SH3D19: variants seen among roughly 807,000 people sequenced by gnomAD.
The protein encoded by SH3D19 is SH3 domain-containing protein 19.
In SH3D19, 58 loss-of-function variants were observed where a neutral mutation model predicts 112.1. The ratio of observed to expected loss-of-function variants is 0.52; its 90% CI spans 0.42 to 0.64. The LOEUF is 0.64. Ranked by LOEUF, SH3D19 falls within the 30% of genes least tolerant of loss-of-function variation. The pLI, the probability that SH3D19 is intolerant of heterozygous loss-of-function variation, is 0.00. For synonymous variants in SH3D19, 391 were observed against 448.5 expected (o/e 0.87, Z 1.62); for missense variants, 1,090 against 1,263.4 (o/e 0.86, Z 2.08).
intron 13 of SH3D19, among the ~76,000 whole-genome samples, chr4:151,139,560 C>T (rs1049829661): frequency 1.3e-5 from 2 of 152,184 alleles, no homozygotes; most frequent in Non-Finnish European, 2.9e-5. Flanking sequence ...TCTCAGGGAG[C>T]TTCAAAGGCA....
chr4:151,134,324 G>A (rs1751369930), intron 15 of SH3D19, among the ~76,000 whole-genome samples: 1 of 152,176 alleles, frequency 6.6e-6, no homozygotes. Flanking sequence ...AGAATATAAA[G>A]TTGCATTGTG....
chr4:151,144,606 C>T, intron 11 of SH3D19, among the ~76,000 whole-genome samples: 1 of 152,172 alleles, frequency 6.6e-6, no homozygotes, highest in Admixed American at 6.5e-5. Flanking sequence ...GGAGAAACAC[C>T]CAGCACTTGA....
intron 1 of SH3D19, chr4:151,291,381 T>A (rs773560623): frequency 6.2e-7 from 1 of 1,614,044 alleles, no homozygotes; most frequent in Non-Finnish European, 8.5e-7. Context: ...GAGTAGGCAC[T>A]GTAGCTGAAG....
chr4:151,138,912 C>T (rs1752436826), intron 13 of SH3D19, among the ~76,000 whole-genome samples: 1 of 152,178 alleles, frequency 6.6e-6, no homozygotes, highest in Non-Finnish European at 1.5e-5. Flanking sequence ...ATTGCAACCT[C>T]TGCCTCCCAG....
chr4:151,245,114 A>G (rs1371052183), intron 1 of SH3D19, among the ~76,000 whole-genome samples: 2 of 152,126 alleles, frequency 1.3e-5, no homozygotes, highest in Middle Eastern at 3.4e-3. Context: ...ACTACACTCC[A>G]GCCTGGGCAA....
At chr4:151,318,456 G>C (rs1219489587) in intron 1 of SH3D19, among the ~76,000 whole-genome samples, 1 of 152,110 alleles carries the variant, frequency 6.6e-6, no homozygotes, top group Non-Finnish European at 1.5e-5. Context: ...ATATTTCCAA[G>C]AGATACATGA....
At chr4:151,246,236 T>C (rs561002650) in intron 1 of SH3D19, among the ~76,000 whole-genome samples, 1 of 152,342 alleles carries the variant, frequency 6.6e-6, no homozygotes, top group South Asian at 2.1e-4. Flanking sequence ...AGATGGGTAC[T>C]GACAACATTT....
Position 151,208,834 on chromosome 4 carries a change from C to T in SH3D19, c.152+17213G>A, listed in dbSNP as rs190192367. On this transcript the variant is annotated intron_variant, in intron 2 of 19. Transcript: ENST00000604030. Reference sequence around the variant, plus strand: ...CTGGGACTACAGGCGCCCACCACCACGCCCGGGTAATTTTTTGTATTTTTA... The same window carrying T: ...CTGGGACTACAGGCGCCCACCACCATGCCCGGGTAATTTTTTGTATTTTTA... Among the ~76,000 whole-genome samples the T allele has an allele frequency of 3.5e-3, 528 of 152,084 alleles. 5 individuals carry two copies. Among genetic ancestry groups the T allele is most frequent in the African/African-American group, 0.012 (491 of 41,490 alleles).
intron 4 of SH3D19, among the ~76,000 whole-genome samples, 158 bp from the exon 5 acceptor site, chr4:151,177,113 C>T (rs1760069732): frequency 6.6e-6 from 1 of 152,236 alleles, no homozygotes; most frequent in Non-Finnish European, 1.5e-5. Context: ...CTGTCTCTGA[C>T]AGTACACCCA....
chr4:151,265,137 A>G (rs1772677305), intron 1 of SH3D19, among the ~76,000 whole-genome samples: 1 of 152,216 alleles, frequency 6.6e-6, no homozygotes, highest in Non-Finnish European at 1.5e-5. Flanking sequence ...TCAGAAAAAA[A>G]CAAATTCCCA....
At chr4:151,124,733 A>AC (rs1248159850) in intron 19 of SH3D19, among the ~76,000 whole-genome samples, 1 of 152,106 alleles carries the variant, frequency 6.6e-6, no homozygotes, top group East Asian at 1.9e-4. Flanking sequence ...AAAAAAAAAA[A>AC]AATTAGTTTT....
intron 2 of SH3D19, among the ~76,000 whole-genome samples, chr4:151,189,765 C>T (rs1001485495): frequency 1.2e-4 from 18 of 152,074 alleles, no homozygotes; most frequent in Non-Finnish European, 2.2e-4. Context: ...TGCCCAGTCT[C>T]AGGTATGTCT....
At chr4:151,207,275 C>A (rs1561342521) in intron 2 of SH3D19, among the ~76,000 whole-genome samples, 1 of 152,154 alleles carries the variant, frequency 6.6e-6, no homozygotes, top group Non-Finnish European at 1.5e-5. Flanking sequence ...ACAAGAGGAA[C>A]AATTACAGGA....
intron 17 of SH3D19, among the ~76,000 whole-genome samples, chr4:151,129,808 A>ACAAT (rs1750235162): frequency 6.6e-6 from 1 of 152,248 alleles, no homozygotes; most frequent in Non-Finnish European, 1.5e-5. Flanking sequence ...ATTAAATGAG[A>ACAAT]CAATGCATGT....
chr4:151,133,498 ATCT>A (rs1269639757), intron 15 of SH3D19, among the ~76,000 whole-genome samples: 1 of 152,074 alleles, frequency 6.6e-6, no homozygotes, highest in African/African-American at 2.4e-5. Context: ...GTGTCTTTTG[ATCT>A]TCTTACTCCC....
intron 1 of SH3D19, among the ~76,000 whole-genome samples, chr4:151,254,397 T>C (rs1771650841): frequency 6.7e-6 from 1 of 150,172 alleles, no homozygotes; most frequent in Non-Finnish European, 1.5e-5. Flanking sequence ...CATAGGACAA[T>C]AGTGGAGGGA....
At chr4:151,295,015 G>A (rs1053509461) in intron 1 of SH3D19, among the ~76,000 whole-genome samples, 9 of 152,186 alleles carry the variant, frequency 5.9e-5, no homozygotes, top group Non-Finnish European at 1.3e-4. Context: ...AGGTGGGTGT[G>A]AGGAAGAACA....
At chr4:151,225,955 G>T in intron 2 of SH3D19, 92 bp downstream of exon 2, 1 of 803,112 alleles carries the variant, frequency 1.2e-6, no homozygotes, top group Non-Finnish European at 1.7e-6. Flanking sequence ...CCAATAGACA[G>T]TAACTCTAAA....
chr4:151,291,893 ACTC>A (rs1384719302), intron 1 of SH3D19, among the ~76,000 whole-genome samples: 1 of 151,606 alleles, frequency 6.6e-6, no homozygotes, highest in Non-Finnish European at 1.5e-5. Context: ...CCCTCCCTTT[ACTC>A]CTCAACTGTA....
Sources: allele counts gnomAD v4.1 joint callset (sites outside exome capture counted in the v4.1 genomes callset), GRCh38; gene constraint gnomAD v4.1.1; transcripts MANE v1.5; gene names NCBI Gene and HGNC (gene_info 2026-07-23, HGNC 2026-07-21).